The following GPC5 variants were observed in gnomAD, a reference collection of about 807,000 sequenced individuals.
The protein encoded by GPC5 is glypican 5.
GPC5 carries 47 observed loss-of-function variants against 53.9 expected under a neutral mutation model. That is an observed-to-expected ratio of 0.87 (90% CI 0.69 to 1.11). GPC5 has a LOEUF of 1.11. Among genes scored for constraint, GPC5 ranks in the 50% most tolerant of loss-of-function variants. The probability of loss-of-function intolerance (pLI) is 0.00; values close to 1 mark genes in which losing one functional copy is unlikely to be tolerated. For synonymous variants in GPC5, 286 were observed against 263.3 expected, an observed-to-expected ratio of 1.09 and a Z score of -0.84; for missense variants, 748 against 713.1, an observed-to-expected ratio of 1.05 and a Z score of -0.56.
At chr13:92,754,430 G>A (rs553740408) in intron 7 of GPC5, among the ~76,000 whole-genome samples, 1,796 of 151,942 alleles carry the variant, frequency 0.012, 14 homozygotes, top group African/African-American at 0.028. Flanking sequence ...ACTAATGAGC[G>A]AAATCACCAG....
intron 5 of GPC5, among the ~76,000 whole-genome samples, chr13:91,777,631 A>G (rs899299289): frequency 6.6e-6 from 1 of 152,176 alleles, no homozygotes; most frequent in Non-Finnish European, 1.5e-5. Flanking sequence ...TCTATACAAA[A>G]TTTATTGTAT....
chr13:91,897,717 G>T (rs747907678), intron 5 of GPC5, among the ~76,000 whole-genome samples: 1 of 152,118 alleles, frequency 6.6e-6, no homozygotes, highest in South Asian at 2.1e-4. Context: ...TTAAATGTAG[G>T]TTCAATAAAT....
chr13:92,387,453 T>C (rs1258073973), intron 7 of GPC5, among the ~76,000 whole-genome samples: 2 of 152,098 alleles, frequency 1.3e-5, no homozygotes, highest in Non-Finnish European at 2.9e-5. Flanking sequence ...GCAAATGTAT[T>C]TAATAAGGCT....
intron 1 of GPC5, among the ~76,000 whole-genome samples, chr13:91,420,158 C>T (rs771292945): frequency 7.2e-5 from 11 of 152,268 alleles, no homozygotes; most frequent in Non-Finnish European, 1.5e-4. Flanking sequence ...TGATTCTGTG[C>T]ATCAGATTTG....
intron 6 of GPC5, among the ~76,000 whole-genome samples, chr13:91,918,541 T>C (rs1391187017): frequency 6.6e-6 from 1 of 152,218 alleles, no homozygotes; most frequent in Admixed American, 6.5e-5. Context: ...TCTGCAAGTT[T>C]ATCAGTTTTG....
At chr13:92,147,383 TTG>T (rs1318546620) in intron 7 of GPC5, among the ~76,000 whole-genome samples, 1 of 151,894 alleles carries the variant, frequency 6.6e-6, no homozygotes, top group Non-Finnish European at 1.5e-5. Context: ...AAGCATTTTT[TTG>T]TGTGTGAGTG....
intron 6 of GPC5, among the ~76,000 whole-genome samples, chr13:91,916,932 G>A (rs1453040181): frequency 1.3e-5 from 2 of 152,076 alleles, no homozygotes; most frequent in Non-Finnish European, 2.9e-5. Context: ...TGAGATTTTG[G>A]GTGGAGACAC....
rs9561175 is a variant in GPC5, at chr13:92,842,897, T to A, written c.1562-23385T>A. On this transcript the variant is annotated intron_variant, in intron 7 of 7. Coordinates refer to ENST00000377067, the MANE Select transcript of GPC5 (RefSeq NM_004466.6). ...AAAACTAAGGAAAAGTATGAATGAT[T>A]TTACCATTTAGATGGTCACTGAAAA... is the stretch of plus-strand genomic sequence containing the variant. Among the ~76,000 whole-genome samples, 3,851 of 152,200 alleles carry A rather than the reference T, an allele frequency of 0.025. 383 individuals are homozygous for A. In the East Asian group the frequency reaches 0.33, roughly 13 times the overall value.
At chr13:91,923,106 GA>G (rs1400373827) in intron 6 of GPC5, among the ~76,000 whole-genome samples, 3 of 152,106 alleles carry the variant, frequency 2.0e-5, no homozygotes, top group African/African-American at 7.2e-5. Context: ...CCCTAAGGTT[GA>G]GTATGCACAA....
chr13:92,091,791 G>C (rs1292191431), intron 6 of GPC5, among the ~76,000 whole-genome samples: 12 of 147,202 alleles, frequency 8.2e-5, no homozygotes, highest in Admixed American at 6.1e-4. Flanking sequence ...CAATGTGAAA[G>C]CAGTCAGGTT....
chr13:92,167,290 A>G (rs1335069016), intron 7 of GPC5, among the ~76,000 whole-genome samples: 1 of 152,088 alleles, frequency 6.6e-6, no homozygotes, highest in African/African-American at 2.4e-5. Flanking sequence ...AGTATTCACC[A>G]TTTTCAGGGC....
chr13:91,478,902 T>TATGC (rs201918417), intron 2 of GPC5, among the ~76,000 whole-genome samples: 2 of 90,298 alleles, frequency 2.2e-5, no homozygotes, highest in African/African-American at 1.2e-4. Flanking sequence ...TATATATATA[T>TATGC]GCACATATAT....
chr13:92,736,017 A>G (rs986828601), intron 7 of GPC5, among the ~76,000 whole-genome samples: 1 of 152,012 alleles, frequency 6.6e-6, no homozygotes, highest in Non-Finnish European at 1.5e-5. Flanking sequence ...ATAACATTAT[A>G]CCCAGTTGTT....
At chr13:91,569,930 T>G (rs1315181444) in intron 2 of GPC5, among the ~76,000 whole-genome samples, 1 of 152,168 alleles carries the variant, frequency 6.6e-6, no homozygotes, top group Admixed American at 6.6e-5. Flanking sequence ...CTGTTTTTTA[T>G]AAATTACCCA....
chr13:92,046,798 A>C (rs1193718332), intron 6 of GPC5, among the ~76,000 whole-genome samples: 3 of 152,242 alleles, frequency 2.0e-5, no homozygotes, highest in Non-Finnish European at 2.9e-5. Flanking sequence ...ACACACTTGT[A>C]TCTTACCTCT....
At chr13:91,782,872 C>T (rs1386548632) in intron 5 of GPC5, among the ~76,000 whole-genome samples, 3 of 151,922 alleles carry the variant, frequency 2.0e-5, no homozygotes, top group Non-Finnish European at 4.4e-5. Flanking sequence ...AAACAGATGC[C>T]TTTCTTAAGG....
chr13:91,628,322 T>G (rs1247164368), intron 2 of GPC5, among the ~76,000 whole-genome samples: 1 of 152,154 alleles, frequency 6.6e-6, no homozygotes, highest in Non-Finnish European at 1.5e-5. Flanking sequence ...TTACTGCTAA[T>G]AATAATATAT....
In GPC5 at chr13:92,356,679, GA is replaced by G. The variant is rs1388437811; in HGVS notation, c.1561+211691del. 3.9e-5 allele frequency among the ~76,000 whole-genome samples: 6 copies of G among 152,096 alleles called. No individual in the cohort carries two copies. The East Asian group carries it at 9.6e-4, about 24-fold the overall frequency. On this transcript the variant is annotated intron_variant, in intron 7 of 7. Coordinates refer to ENST00000377067, the MANE Select transcript of GPC5 (RefSeq NM_004466.6). ...GGAGGGAAATGTCATTTTCAGAGAA[GA>G]GGAAAAAAGAGTGGACCAATTTTTA...
At chr13:92,677,613 A>T (rs201085959) in intron 7 of GPC5, among the ~76,000 whole-genome samples, 2 of 152,350 alleles carry the variant, frequency 1.3e-5, no homozygotes, top group East Asian at 3.9e-4. Flanking sequence ...GAAGCTCCAT[A>T]TTAAAAGCAG....
Sources: allele counts gnomAD v4.1 joint callset (sites outside exome capture counted in the v4.1 genomes callset), GRCh38; gene constraint gnomAD v4.1.1; transcripts MANE v1.5; gene names NCBI Gene and HGNC (gene_info 2026-07-23, HGNC 2026-07-21).